RYR2: variants seen among roughly 807,000 people sequenced by gnomAD.
RYR2 encodes the protein ryanodine receptor 2, also known as cardiac muscle ryanodine receptor-calcium release channel.
A neutral mutation model predicts 601.1 loss-of-function variants in RYR2; 227 were observed. The observed-to-expected ratio is 0.38, with a 90% confidence interval of 0.34 to 0.42. RYR2 has a LOEUF of 0.42. RYR2 is among the 10% of genes least tolerant of loss of function. The pLI is 1.00. For synonymous variants in RYR2, 2,223 were observed against 2,175.1 expected (o/e 1.02, Z -0.61); for missense variants, 4,646 against 6,156.5 (o/e 0.75, Z 8.21).
intron 1 of RYR2, among the ~76,000 whole-genome samples, chr1:237,056,298 ACACTGCACCTGTGAGGACTGGAG>A (rs1662036751): frequency 7.7e-6 from 1 of 130,354 alleles, no homozygotes; most frequent in Non-Finnish European, 1.6e-5. Context: ...GAGGACTGGA[ACACTGCACCTGTGAGGACTGGAG>A]CACTGCACCT....
At chr1:237,515,726 C>CT (rs1666396076) in intron 24 of RYR2, among the ~76,000 whole-genome samples, 1 of 146,218 alleles carries the variant, frequency 6.8e-6, no homozygotes, top group Non-Finnish European at 1.5e-5. Context: ...TCTCTTCCTC[C>CT]TTCTTTCTCC....
intron 2 of RYR2, among the ~76,000 whole-genome samples, chr1:237,298,763 G>A (rs1693061700): frequency 6.6e-6 from 1 of 152,124 alleles, no homozygotes; most frequent in Non-Finnish European, 1.5e-5. Context: ...ACTTTGGGGG[G>A]CTGATGCTGG....
At chr1:237,445,339 C>G (rs1708235049) in intron 13 of RYR2, 62 bp from the exon 14 acceptor site, 1 of 1,603,028 alleles carries the variant, frequency 6.2e-7, no homozygotes, top group Non-Finnish European at 8.5e-7. Flanking sequence ...GTACACATCT[C>G]CCTAACTCTA....
intron 69 of RYR2, 90 bp downstream of exon 69, chr1:237,709,188 T>A: frequency 1.6e-6 from 2 of 1,225,954 alleles, no homozygotes; most frequent in Non-Finnish European, 2.3e-6. Flanking sequence ...CATTCACTAT[T>A]TTGCCATGAG....
intron 1 of RYR2, among the ~76,000 whole-genome samples, chr1:237,120,336 A>T (rs940186677): frequency 6.6e-6 from 1 of 152,198 alleles, no homozygotes; most frequent in South Asian, 2.1e-4. Context: ...ATGCACTTTG[A>T]ATTCCAACAA....
chr1:237,277,870 G>T (rs116189620), intron 2 of RYR2, among the ~76,000 whole-genome samples: 59 of 152,170 alleles, frequency 3.9e-4, no homozygotes, highest in Non-Finnish European at 6.0e-4. Flanking sequence ...TAGGCCAACT[G>T]TTCACAAATA....
chr1:237,684,068 C>T (rs952987772), intron 62 of RYR2, among the ~76,000 whole-genome samples: 4 of 151,940 alleles, frequency 2.6e-5, no homozygotes, highest in African/African-American at 9.7e-5. Flanking sequence ...GCTGGGATTA[C>T]AGGCACCCAC....
At chr1:237,778,578 C>G (rs1181735653) in intron 87 of RYR2, 88 bp from the exon 88 acceptor site, 1 of 621,388 alleles carries the variant, frequency 1.6e-6, no homozygotes, top group Non-Finnish European at 2.9e-6. Context: ...TATATCAGCA[C>G]TAAGTCAACT....
intron 10 of RYR2, among the ~76,000 whole-genome samples, chr1:237,407,818 G>A (rs192175087): frequency 5.3e-5 from 8 of 151,918 alleles, no homozygotes; most frequent in South Asian, 2.1e-4. Flanking sequence ...GGGTTTCACC[G>A]TGTTAGCCAG....
intron 1 of RYR2, among the ~76,000 whole-genome samples, chr1:237,200,085 TA>T (rs1681015388): frequency 1.3e-5 from 2 of 152,176 alleles, no homozygotes; most frequent in South Asian, 4.1e-4. Context: ...CTTTTAAACA[TA>T]AGGAAACCAG....
chr1:237,356,696 T>C (rs1699325973), intron 4 of RYR2, among the ~76,000 whole-genome samples: 1 of 152,142 alleles, frequency 6.6e-6, no homozygotes, highest in African/African-American at 2.4e-5. Context: ...TGGTCTCGGT[T>C]TCCTTATCTG....
intron 2 of RYR2, among the ~76,000 whole-genome samples, chr1:237,316,428 CTAAAA>C (rs138240295): frequency 0.032 from 4,919 of 152,252 alleles, 170 homozygotes; most frequent in African/African-American, 0.086. Flanking sequence ...TCCCCTTCTA[CTAAAA>C]TTGTTTCCTT....
intron 17 of RYR2, among the ~76,000 whole-genome samples, chr1:237,476,228 G>T (rs1661379153): frequency 6.6e-6 from 1 of 152,174 alleles, no homozygotes; most frequent in South Asian, 2.1e-4. Flanking sequence ...GAGTCTTTGA[G>T]GCTGGTCGTG....
At chr1:237,493,133 G>A (rs779253884) in intron 19 of RYR2, 46 bp downstream of exon 19, 1 of 1,607,356 alleles carries the variant, frequency 6.2e-7, no homozygotes, top group Non-Finnish European at 8.5e-7. Context: ...CATAATAAAA[G>A]AATTAATGTT....
rs182065460 is a variant in RYR2, at chr1:237,068,856, C to T, written c.48+26287C>T. On this transcript the variant is annotated intron_variant, in intron 1 of 104. Transcript: ENST00000366574. The stretch of plus-strand genomic sequence containing the variant: ...TCCCCGTACTGTGGCCTTTAACTGA[C>T]ATTTTTCTTCCAACCTGCTCCTAGG... Among the ~76,000 whole-genome samples, 89 of 152,220 alleles carry T rather than the reference C, an allele frequency of 5.8e-4. 1 individual carries two copies. Among genetic ancestry groups the T allele is most frequent in the Non-Finnish European group, 7.4e-5 (5 of 67,980 alleles).
At chr1:237,330,237 G>C (rs578234102) in intron 2 of RYR2, among the ~76,000 whole-genome samples, 40 of 152,290 alleles carry the variant, frequency 2.6e-4, no homozygotes, top group African/African-American at 8.7e-4. Flanking sequence ...CTGTTCACAC[G>C]AGTGATAGTA....
intron 1 of RYR2, among the ~76,000 whole-genome samples, chr1:237,179,863 A>T (rs1678506208): frequency 6.6e-6 from 1 of 152,110 alleles, no homozygotes; most frequent in South Asian, 2.1e-4. Context: ...AGCCGGCAAC[A>T]TCTATTGTCT....
chr1:237,163,341 ACCC>A (rs1383039165), intron 1 of RYR2, among the ~76,000 whole-genome samples: 1 of 34,704 alleles, frequency 2.9e-5, no homozygotes, highest in African/African-American at 9.3e-5. Context: ...AGTACCGCCC[ACCC>A]CCAACCCCCT....
At chr1:237,773,740 C>T (rs930437861) in intron 87 of RYR2, 92 bp downstream of exon 87, 15 of 967,006 alleles carry the variant, frequency 1.6e-5, no homozygotes, top group Non-Finnish European at 2.1e-5. Flanking sequence ...CCTATTGACC[C>T]CTTTCTGAGT....
Sources: gnomAD v4.1 joint callset for allele counts (sites outside exome capture counted in the v4.1 genomes callset) on GRCh38, gnomAD v4.1.1 for gene constraint, MANE v1.5 for transcripts, NCBI Gene and HGNC (gene_info 2026-07-23, HGNC 2026-07-21) for gene names.